Variants in CDH8 observed in about 807,000 individuals in gnomAD.
The protein encoded by CDH8 is cadherin-8.
In CDH8, 17 loss-of-function variants were observed where a neutral mutation model predicts 68.1. The ratio of observed to expected loss-of-function variants is 0.25; its 90% CI spans 0.17 to 0.37. The LOEUF is 0.37. CDH8 is among the 10% of genes least tolerant of loss of function. CDH8 has a pLI of 1.00. For synonymous variants in CDH8, 372 were observed against 365.1 expected (o/e 1.02, Z -0.21); for missense variants, 763 against 999.3 (o/e 0.76, Z 3.19).
intron 10 of CDH8, among the ~76,000 whole-genome samples, chr16:61,675,152 T>C (rs1963877229): frequency 6.6e-6 from 1 of 151,796 alleles, no homozygotes; most frequent in Non-Finnish European, 1.5e-5. Flanking sequence ...AAACATGAAT[T>C]TAAACAACAA....
chr16:61,872,763 T>A (rs1197037807), intron 3 of CDH8, among the ~76,000 whole-genome samples: 1 of 152,232 alleles, frequency 6.6e-6, no homozygotes, highest in Non-Finnish European at 1.5e-5. Flanking sequence ...GGTACTCAGA[T>A]GGTTCGGGGG....
chr16:61,875,715 C>T (rs777501225), intron 3 of CDH8, among the ~76,000 whole-genome samples: 2 of 152,104 alleles, frequency 1.3e-5, no homozygotes, highest in African/African-American at 2.4e-5. Flanking sequence ...TGTACATCCA[C>T]GTATGCATTT....
intron 2 of CDH8, among the ~76,000 whole-genome samples, chr16:61,972,854 T>C (rs1416132939): frequency 1.3e-5 from 2 of 152,070 alleles, no homozygotes; most frequent in African/African-American, 4.8e-5. Flanking sequence ...GTCTGCATAA[T>C]GATCTCCACT....
chr16:61,978,658 T>C (rs186940391), intron 2 of CDH8, among the ~76,000 whole-genome samples: 3 of 152,242 alleles, frequency 2.0e-5, no homozygotes, highest in East Asian at 1.9e-4. Flanking sequence ...TATGAGAAAA[T>C]TGACGTTCTG....
At chr16:61,731,132 A>G (rs1298794811) in intron 8 of CDH8, among the ~76,000 whole-genome samples, 1 of 151,628 alleles carries the variant, frequency 6.6e-6, no homozygotes, top group African/African-American at 2.4e-5. Context: ...GCCTTGAAGC[A>G]GAAAGTTCCT....
At chr16:61,888,497 G>T (rs4783766) in intron 3 of CDH8, among the ~76,000 whole-genome samples, 6 of 151,900 alleles carry the variant, frequency 3.9e-5, no homozygotes, top group Non-Finnish European at 8.8e-5. Flanking sequence ...GACTGTTACT[G>T]GTTCTGACTT....
chr16:61,706,949 C>A (rs1290416754), intron 10 of CDH8, among the ~76,000 whole-genome samples: 1 of 152,062 alleles, frequency 6.6e-6, no homozygotes, highest in Non-Finnish European at 1.5e-5. Context: ...TAGGTACTCT[C>A]CATTTTTATT....
chr16:61,770,108 G>A (rs1282183146), intron 8 of CDH8, among the ~76,000 whole-genome samples: 2 of 151,886 alleles, frequency 1.3e-5, no homozygotes, highest in South Asian at 2.1e-4. Context: ...GCTTTCCTGA[G>A]TCTCGCATGA....
chr16:61,738,068 A>G (rs1959752566), intron 8 of CDH8, among the ~76,000 whole-genome samples: 1 of 152,180 alleles, frequency 6.6e-6, no homozygotes, highest in Non-Finnish European at 1.5e-5. Flanking sequence ...TAGCCTTTCT[A>G]TTAACCAAGA....
chr16:61,758,626 T>C (rs1013938468), intron 8 of CDH8, among the ~76,000 whole-genome samples: 5 of 152,002 alleles, frequency 3.3e-5, no homozygotes, highest in Non-Finnish European at 4.4e-5. Context: ...ACAGACAGGG[T>C]TTCTCCATGT....
At position 61,724,662 on chromosome 16, in the gene CDH8, T is replaced by C. The variant is rs556289377; in HGVS notation, c.1536+2432A>G. ...GCTGTTGTAAAGCAGACATAAATTG[T>C]TCAAAAATATTGAGAAAGCTATGAA... On this transcript the variant is annotated intron_variant, in intron 9 of 11. Coordinates refer to ENST00000577390, the MANE Select transcript of CDH8 (RefSeq NM_001796.5). Among the ~76,000 whole-genome samples, 4 of 150,968 alleles carry C rather than the reference T, an allele frequency of 2.6e-5. No individual in the cohort carries two copies. The South Asian group carries it at 6.2e-4, about 23-fold the overall frequency.
intron 2 of CDH8, among the ~76,000 whole-genome samples, chr16:62,020,670 T>C (rs559742630): frequency 2.6e-5 from 4 of 152,298 alleles, no homozygotes; most frequent in Non-Finnish European, 5.9e-5. Flanking sequence ...CCTAGGTCAA[T>C]TATTGAAAAA....
At chr16:61,846,434 T>G (rs1247943192) in intron 4 of CDH8, among the ~76,000 whole-genome samples, 1 of 152,118 alleles carries the variant, frequency 6.6e-6, no homozygotes, top group Non-Finnish European at 1.5e-5. Context: ...TTAATAAGTA[T>G]CTATTCACTT....
chr16:61,974,233 G>A (rs1275723510), intron 2 of CDH8, among the ~76,000 whole-genome samples: 1 of 152,174 alleles, frequency 6.6e-6, no homozygotes, highest in Non-Finnish European at 1.5e-5. Flanking sequence ...AAGGATAAAG[G>A]CATATGATGA....
At chr16:61,708,338 T>C (rs1424265396) in intron 10 of CDH8, among the ~76,000 whole-genome samples, 3 of 152,170 alleles carry the variant, frequency 2.0e-5, no homozygotes, top group Non-Finnish European at 2.9e-5. Context: ...TAGTGGTCAG[T>C]AATCTCAGAA....
chr16:61,981,544 C>T (rs763072910), intron 2 of CDH8, among the ~76,000 whole-genome samples: 1 of 151,830 alleles, frequency 6.6e-6, no homozygotes, highest in South Asian at 2.1e-4. Context: ...TATCTCTAAA[C>T]GTAATAAGGA....
chr16:61,973,676 G>T (rs1965383435), intron 2 of CDH8, among the ~76,000 whole-genome samples: 1 of 152,102 alleles, frequency 6.6e-6, no homozygotes, highest in Admixed American at 6.5e-5. Context: ...GGACCGAAAA[G>T]GAAAACAAAG....
chr16:61,917,518 C>T (rs1042047839), intron 2 of CDH8, among the ~76,000 whole-genome samples: 2 of 152,104 alleles, frequency 1.3e-5, no homozygotes, highest in Non-Finnish European at 2.9e-5. Context: ...ACAAGTGGGG[C>T]ATGCACAGAC....
At chr16:61,808,189 C>T (rs1961841777) in intron 7 of CDH8, among the ~76,000 whole-genome samples, 1 of 152,114 alleles carries the variant, frequency 6.6e-6, no homozygotes, top group African/African-American at 2.4e-5. Context: ...CTTGTTCTTG[C>T]TTCTTCATCC....
Sources: gnomAD v4.1 joint callset for allele counts (sites outside exome capture counted in the v4.1 genomes callset) on GRCh38, gnomAD v4.1.1 for gene constraint, MANE v1.5 for transcripts, NCBI Gene and HGNC (gene_info 2026-07-23, HGNC 2026-07-21) for gene names.